ACSF3: variants seen among roughly 807,000 people sequenced by gnomAD.
ACSF3 encodes acyl-CoA synthetase family member 3.
A neutral mutation model predicts 53.2 loss-of-function variants in ACSF3; 78 were observed. That is an observed-to-expected ratio of 1.47 (90% CI 1.22 to 1.77). The LOEUF (loss-of-function observed/expected upper bound fraction) is 1.77. Among genes scored for constraint, ACSF3 ranks in the 40% most tolerant of loss-of-function variants. ACSF3 has a pLI of 0.00. For synonymous variants in ACSF3, 414 were observed against 333.1 expected, an observed-to-expected ratio of 1.24 and a Z score of -2.65; for missense variants, 937 against 771.1, an observed-to-expected ratio of 1.22 and a Z score of -2.55.
intron 4 of ACSF3, among the ~76,000 whole-genome samples, chr16:89,110,549 G>A (rs12918883): frequency 0.15 from 22,440 of 152,180 alleles, 1,880 homozygotes; most frequent in African/African-American, 0.24. Context: ...CACTGTGTTC[G>A]TTACTTCTGG....
intron 4 of ACSF3, among the ~76,000 whole-genome samples, chr16:89,104,548 T>C (rs1385235819): frequency 4.6e-5 from 7 of 152,176 alleles, no homozygotes; most frequent in Non-Finnish European, 1.5e-5. Context: ...ACCCAAACCC[T>C]AGTCAGGTGT....
chr16:89,131,020 A>G (rs562739141), intron 7 of ACSF3, among the ~76,000 whole-genome samples: 1 of 150,172 alleles, frequency 6.7e-6, no homozygotes, highest in Admixed American at 6.6e-5. Flanking sequence ...TCAGTTTTTA[A>G]ATTATTGTTT....
At chr16:89,103,612 C>T (rs938506969) in intron 4 of ACSF3, among the ~76,000 whole-genome samples, 5 of 152,248 alleles carry the variant, frequency 3.3e-5, no homozygotes, top group African/African-American at 7.2e-5. Context: ...GTGACACATT[C>T]GGGGTGTAGG....
At chr16:89,112,418 C>G (rs977287624) in intron 5 of ACSF3, among the ~76,000 whole-genome samples, 172 bp downstream of exon 5, 7 of 152,146 alleles carry the variant, frequency 4.6e-5, no homozygotes, top group Admixed American at 3.3e-4. Context: ...CTGTCTCTCT[C>G]TCTCTCTACC....
chr16:89,120,074 C>T (rs970714488), intron 6 of ACSF3, among the ~76,000 whole-genome samples: 3 of 152,260 alleles, frequency 2.0e-5, no homozygotes, highest in Non-Finnish European at 4.4e-5. Flanking sequence ...TCTGCCGTCC[C>T]ACCAGCAACC....
intron 8 of ACSF3, among the ~76,000 whole-genome samples, chr16:89,138,020 A>G (rs1452394448): frequency 2.6e-5 from 4 of 152,214 alleles, no homozygotes; most frequent in Non-Finnish European, 5.9e-5. Context: ...AAAGGGTTAA[A>G]GGGACCTTGT....
At chr16:89,149,746 G>C (rs1913760963) in intron 10 of ACSF3, 1 of 152,206 alleles carries the variant, frequency 6.6e-6, no homozygotes, top group South Asian at 2.1e-4. Context: ...AATGGGGAGG[G>C]GCAGGCTGTA....
At chr16:89,129,500 T>G (rs764240678) in intron 7 of ACSF3, among the ~76,000 whole-genome samples, 1 of 152,234 alleles carries the variant, frequency 6.6e-6, no homozygotes, top group Non-Finnish European at 1.5e-5. Flanking sequence ...CCTACCTGTG[T>G]AATTGTATTT....
chr16:89,110,018 G>A (rs1205282269), intron 4 of ACSF3, among the ~76,000 whole-genome samples: 2 of 152,192 alleles, frequency 1.3e-5, no homozygotes, highest in Non-Finnish European at 2.9e-5. Flanking sequence ...TTCCGGATAC[G>A]AGTCTCTTTT....
In ACSF3 at chr16:89,133,263, G is replaced by A. The variant is rs1389783773; in HGVS notation, c.1366+1G>A. On this transcript the variant is annotated splice_donor_variant, in intron 8 of 10. Coordinates refer to ENST00000614302, the MANE Select transcript of ACSF3 (RefSeq NM_001243279.3). LOFTEE classifies it high-confidence loss of function. ...ACCCTGGATGGCTGGTTTAAGACAG[G>A]TAGGACCCAGCCCCATGGGAGTGGA... is the stretch of plus-strand genomic sequence containing the variant. The A allele has an allele frequency of 1.2e-6, 2 of 1,613,882 alleles. No individual in the cohort carries two copies. The highest frequency in any genetic ancestry group is 1.7e-6 in the Non-Finnish European group (2 of 1,179,938).
At chr16:89,130,555 C>G (rs1306967413) in intron 7 of ACSF3, among the ~76,000 whole-genome samples, 1 of 152,168 alleles carries the variant, frequency 6.6e-6, no homozygotes, top group African/African-American at 2.4e-5. Context: ...GCCTGGGTGA[C>G]AGAATGAGAG....
At chr16:89,127,082 G>GGGTCATTT (rs1484728834) in intron 7 of ACSF3, among the ~76,000 whole-genome samples, 5 of 152,222 alleles carry the variant, frequency 3.3e-5, no homozygotes, top group African/African-American at 9.6e-5. Flanking sequence ...TGGTCCTGGT[G>GGGTCATTT]GGTCATTTTT....
rs3743979 is a variant in ACSF3, at chr16:89,114,475, G to A, written c.1114G>A (p.Val372Met). Residue 372 changes from valine (V) to methionine (M), a missense_variant, in exon 6 of 11, where the codon GTG becomes ATG. Val to Met is a conservative substitution (Grantham distance 21). Coordinates refer to ENST00000614302, the MANE Select transcript of ACSF3 (RefSeq NM_001243279.3). ...MALSGPLTTA[V>M]RLPGSVGTPL... The stretch of plus-strand genomic sequence containing the variant: ...TCTGTCCGGGCCCCTGACCACTGCC[G>A]TGCGCCTGCCAGGTACGAGCACTTC... 1,182,025 of 1,612,188 alleles carry A rather than the reference G, an allele frequency of 0.73. 436,948 individuals are homozygous for A. The highest frequency in any genetic ancestry group is 0.79 in the Admixed American group (47,226 of 60,008).
chr16:89,128,443 A>G (rs2151505075), intron 7 of ACSF3, among the ~76,000 whole-genome samples: 1 of 151,656 alleles, frequency 6.6e-6, no homozygotes, highest in African/African-American at 2.4e-5. Context: ...TGTATTTAGT[A>G]CAGATGGGGT....
intron 4 of ACSF3, 55 bp from the exon 5 acceptor site, chr16:89,112,036 GC>G: frequency 1.7e-5 from 3 of 171,822 alleles, no homozygotes; most frequent in South Asian, 7.8e-5. Flanking sequence ...AGGAGCCTCC[GC>G]CACGGGCCCC....
intron 5 of ACSF3, chr16:89,113,674 A>G (rs1254233442): frequency 1.2e-5 from 2 of 168,642 alleles, no homozygotes; most frequent in Non-Finnish European, 2.6e-5. Context: ...ACCGCAAACA[A>G]AAGCGCCTTC....
intron 7 of ACSF3, among the ~76,000 whole-genome samples, chr16:89,130,270 A>G (rs1240777214): frequency 1.3e-5 from 2 of 152,156 alleles, no homozygotes; most frequent in African/African-American, 4.8e-5. Context: ...TTCTTTCAGC[A>G]CTTTAAAAAT....
At chr16:89,141,034 G>C in intron 8 of ACSF3, 1 of 1,249,886 alleles carries the variant, frequency 8.0e-7, no homozygotes, top group Non-Finnish European at 1.0e-6. Context: ...GGAAAGTAAA[G>C]GTTATTTAAC....
intron 8 of ACSF3, among the ~76,000 whole-genome samples, chr16:89,142,654 T>G (rs1019100885): frequency 1.4e-5 from 2 of 138,848 alleles, no homozygotes; most frequent in Admixed American, 1.4e-4. Context: ...CACCCACACC[T>G]GCAGACAGAG....
Sources: allele counts gnomAD v4.1 joint callset (sites outside exome capture counted in the v4.1 genomes callset), GRCh38; gene constraint gnomAD v4.1.1; transcripts MANE v1.5; gene names NCBI Gene and HGNC (gene_info 2026-07-23, HGNC 2026-07-21).